The following PCDHGA1 variants were observed in gnomAD, a reference collection of about 807,000 sequenced individuals.
PCDHGA1 encodes the protein protocadherin gamma subfamily A, 1, also known as protocadherin gamma-A1.
In PCDHGA1, 32 loss-of-function variants were observed where a neutral mutation model predicts 58.0. That is an observed-to-expected ratio of 0.55 (90% confidence interval 0.42 to 0.74). The LOEUF (loss-of-function observed/expected upper bound fraction) is 0.74. Ranked by LOEUF, PCDHGA1 falls within the 30% of genes least tolerant of loss-of-function variation. The probability of loss-of-function intolerance (pLI) is 0.00; values close to 1 mark genes in which losing one functional copy is unlikely to be tolerated. For synonymous variants in PCDHGA1, 498 were observed against 501.1 expected, an observed-to-expected ratio of 0.99 and a Z score of 0.08; for missense variants, 1,205 against 1,182.3, an observed-to-expected ratio of 1.02 and a Z score of -0.28.
chr5:141,485,734 C>T lies in PCDHGA1; in HGVS notation c.2422-9073C>T. ...CACTGGATGTGAAGAAGCGCAGCGACGGCAGCCTGGTCCCAGAGCTGCTCC... is the reference window on the plus strand; with the variant it reads ...CACTGGATGTGAAGAAGCGCAGCGATGGCAGCCTGGTCCCAGAGCTGCTCC... On this transcript the variant is annotated intron_variant, in intron 1 of 3. Transcript: ENST00000517417. This position sits in a 1 kb window ranked among gnomAD's most constrained non-coding sequence, Gnocchi z 5.7. The T allele has an allele frequency of 6.2e-7, 1 of 1,614,210 alleles. No individual in the cohort carries two copies. The highest frequency in any genetic ancestry group is 8.5e-7 in the Non-Finnish European group (1 of 1,180,028).
chr5:141,499,402 A>G (rs2099791723), intron 2 of PCDHGA1, among the ~76,000 whole-genome samples: 2 of 152,212 alleles, frequency 1.3e-5, no homozygotes, highest in South Asian at 4.1e-4. Context: ...GTACATGCTC[A>G]TTATAGAAAC....
Position 141,432,916 on chromosome 5 carries a change from G to A in PCDHGA1, c.2422-61891G>A, listed in dbSNP as rs1303459899. ...TGCTGGCGCTCAGGCTGCGGCGCTG[G>A]CACAAGTCACGCCTGCTGCAGGCTT... is the stretch of plus-strand genomic sequence containing the variant. On this transcript the variant is annotated intron_variant, in intron 1 of 3. Transcript: ENST00000517417. This position sits in a 1 kb window ranked among gnomAD's most constrained non-coding sequence, Gnocchi z 6.0. 1.2e-6 allele frequency: 2 copies of A among 1,614,078 alleles called. No individual in the cohort carries two copies. The highest frequency in any genetic ancestry group is 1.7e-6 in the Non-Finnish European group (2 of 1,180,048).
chr5:141,438,806 C>T (rs866521707), intron 1 of PCDHGA1, among the ~76,000 whole-genome samples: 20 of 149,390 alleles, frequency 1.3e-4, no homozygotes, highest in Admixed American at 6.7e-4. Flanking sequence ...GGATTACAGG[C>T]GCCTGTCACC....
intron 1 of PCDHGA1, among the ~76,000 whole-genome samples, chr5:141,338,496 G>T (rs1203676983): frequency 6.6e-6 from 1 of 152,178 alleles, no homozygotes; most frequent in Non-Finnish European, 1.5e-5. Flanking sequence ...AATGCCTTGA[G>T]CAGTCAATAA....
At position 141,355,420 on chromosome 5, in the gene PCDHGA1, C is replaced by CT. The variant is rs35876439; in HGVS notation, c.2421+22319dup. On this transcript the variant is annotated intron_variant, in intron 1 of 3. Coordinates refer to ENST00000517417, the MANE Select transcript of PCDHGA1 (RefSeq NM_018912.3). ...CATCGTCTCCAGAGGTAGGACGCAG[C>CT]TTTTCGCCCTGAACCCGCGCAGCGG... is the stretch of plus-strand genomic sequence containing the variant. The CT allele has an allele frequency of 1.4e-5, 22 of 1,614,124 alleles. No individual in the cohort carries two copies. In the South Asian group the frequency reaches 2.4e-4, roughly 18 times the overall value.
At position 141,330,680 on chromosome 5, in the gene PCDHGA1, G is replaced by A. The variant is rs780185361; in HGVS notation, c.-5G>A. ...ACTGGAAGAAAACTACGAAGTGAGAGAGCCATGAAGATTCAGAAAAAGCTG... is the reference window on the plus strand; with the variant it reads ...ACTGGAAGAAAACTACGAAGTGAGAAAGCCATGAAGATTCAGAAAAAGCTG... On this transcript the variant is annotated 5_prime_UTR_variant, in exon 1 of 4. Transcript: ENST00000517417. 1.3e-6 allele frequency: 2 copies of A among 1,597,030 alleles called. No homozygotes were observed. Among genetic ancestry groups the A allele is most frequent in the Non-Finnish European group, 1.7e-6 (2 of 1,169,440 alleles).
At chr5:141,427,986 G>C in intron 1 of PCDHGA1, 1 of 1,598,018 alleles carries the variant, frequency 6.3e-7, no homozygotes, top group East Asian at 2.2e-5. Context: ...GCTGGGGCCC[G>C]ATGGCTCCGC....
At chr5:141,394,845 C>G (rs2093112269) in intron 1 of PCDHGA1, 20 of 1,613,866 alleles carry the variant, frequency 1.2e-5, no homozygotes, top group Non-Finnish European at 1.7e-5. Flanking sequence ...GTTGGGCAGT[C>G]TGAAGCCTTC....
chr5:141,372,514 T>C lies in PCDHGA1; in HGVS notation c.2421+39409T>C. ...ATCTCAGTGCTCTTCCTCCTCGCGG[T>C]GATTCTGGCAATCTCCCTGCGCCTG... On this transcript the variant is annotated intron_variant, in intron 1 of 3. Coordinates refer to ENST00000517417, the MANE Select transcript of PCDHGA1 (RefSeq NM_018912.3). 5 of 1,614,028 alleles carry C rather than the reference T, an allele frequency of 3.1e-6. No individual in the cohort carries two copies. The South Asian group carries it at 4.4e-5, about 14-fold the overall frequency.
rs912402706 is a variant in PCDHGA1, at chr5:141,362,030, T to G, written c.2421+28925T>G. On this transcript the variant is annotated intron_variant, in intron 1 of 3. Coordinates refer to ENST00000517417, the MANE Select transcript of PCDHGA1 (RefSeq NM_018912.3). ...GGTGAGGTGCGCACAGCGCGTGCCTTGGGCGACAGGGACGCGGCCCGCCAG... is the reference window on the plus strand; with the variant it reads ...GGTGAGGTGCGCACAGCGCGTGCCTGGGGCGACAGGGACGCGGCCCGCCAG... 6 of 1,608,644 alleles carry G rather than the reference T, an allele frequency of 3.7e-6. No individual in the cohort carries two copies. In the African/African-American group the frequency reaches 5.3e-5, roughly 14 times the overall value.
chr5:141,490,775 A>G lies in PCDHGA1; in HGVS notation c.2422-4032A>G. 6 of 1,614,110 alleles carry G rather than the reference A, an allele frequency of 3.7e-6. No homozygotes were observed. Among genetic ancestry groups the G allele is most frequent in the Non-Finnish European group, 5.1e-6 (6 of 1,179,964 alleles). On this transcript the variant is annotated intron_variant, in intron 1 of 3. Transcript: ENST00000517417. The surrounding 1 kb of genome is among the most constrained non-coding windows in gnomAD (Gnocchi z 5.4). ...TCCTCCTTTGTGTATGTCAACCCAG[A>G]GGATGGACGGATCTTTGCCCAGCGT...
At chr5:141,424,357 G>A (rs1171882619) in intron 1 of PCDHGA1, 1 of 152,122 alleles carries the variant, frequency 6.6e-6, no homozygotes, top group Non-Finnish European at 1.5e-5. Context: ...ATAAAATTTA[G>A]ATCACATTTT....
intron 1 of PCDHGA1, chr5:141,393,480 T>G (rs1026854698): frequency 5.0e-6 from 8 of 1,613,942 alleles, no homozygotes; most frequent in Non-Finnish European, 6.8e-6. Context: ...GCCGCCTCGC[T>G]CTAGCACAGT....
At chr5:141,501,116 C>T (rs1325487254) in intron 2 of PCDHGA1, among the ~76,000 whole-genome samples, 1 of 152,154 alleles carries the variant, frequency 6.6e-6, no homozygotes, top group Non-Finnish European at 1.5e-5. Flanking sequence ...ATCCGCCTGC[C>T]TCAGCCTCCC....
At chr5:141,408,819 G>A in intron 1 of PCDHGA1, 1 of 1,613,520 alleles carries the variant, frequency 6.2e-7, no homozygotes, top group Non-Finnish European at 8.5e-7. Context: ...GAAGAACAGA[G>A]ATCTCATAGC....
intron 1 of PCDHGA1, chr5:141,395,523 C>A: frequency 7.5e-6 from 3 of 400,150 alleles, no homozygotes; most frequent in Non-Finnish European, 1.3e-5. Flanking sequence ...CCCGTCCATA[C>A]TGGTAATTTT....
chr5:141,365,401 T>G, intron 1 of PCDHGA1: 1 of 1,614,034 alleles, frequency 6.2e-7, no homozygotes, highest in Non-Finnish European at 8.5e-7. Flanking sequence ...GTTCGATCTC[T>G]GAAGACTGTC....
chr5:141,410,185 T>A lies in PCDHGA1; in HGVS notation c.2421+77080T>A, dbSNP rs373680185. 10 of 1,613,812 alleles carry A rather than the reference T, an allele frequency of 6.2e-6. No individual in the cohort carries two copies. The African/African-American group carries it at 1.3e-4, about 22-fold the overall frequency. On this transcript the variant is annotated intron_variant, in intron 1 of 3. Transcript: ENST00000517417. ...CACTCTCTGCCACCGCCACGCTTCA[T>A]CTGGTCTTCGCAGACAACTTGCAAG...
At chr5:141,418,800 G>A in intron 1 of PCDHGA1, 1 of 1,613,800 alleles carries the variant, frequency 6.2e-7, no homozygotes, top group African/African-American at 1.3e-5. Context: ...GAAGTAGAAA[G>A]ATATACGATA....
Sources: allele counts gnomAD v4.1 joint callset (sites outside exome capture counted in the v4.1 genomes callset), GRCh38; gene constraint gnomAD v4.1.1; non-coding constraint Gnocchi (gnomAD v3.1); transcripts MANE v1.5; gene names NCBI Gene and HGNC (gene_info 2026-07-23, HGNC 2026-07-21).